The following KRT86 variants were observed in gnomAD, a reference collection of about 807,000 sequenced individuals.
KRT86 encodes keratin 86.
In KRT86, 30 loss-of-function variants were observed where a neutral mutation model predicts 41.2. The observed-to-expected ratio is 0.73, with a 90% confidence interval of 0.54 to 0.99. The LOEUF is 0.99. Among genes scored for constraint, KRT86 ranks in the 50% least tolerant of loss-of-function variants. KRT86 has a pLI of 0.00. For synonymous variants in KRT86, 238 were observed against 238.1 expected, an observed-to-expected ratio of 1.00 and a Z score of 0.00; for missense variants, 561 against 571.4, an observed-to-expected ratio of 0.98 and a Z score of 0.19.
chr12:52,305,591 A>C (rs1371363299), intron 7 of KRT86, 72 bp from the exon 8 acceptor site: 1 of 1,613,070 alleles, frequency 6.2e-7, no homozygotes, highest in African/African-American at 1.3e-5. Flanking sequence ...ACAACCTGCA[A>C]AATCATCTGT....
At chr12:52,301,788 G>A (rs904053929) in intron 2 of KRT86, 125 bp from the exon 3 acceptor site, 31 of 1,600,016 alleles carry the variant, frequency 1.9e-5, no homozygotes, top group Non-Finnish European at 2.5e-5. Flanking sequence ...GACCCACGTG[G>A]TCACAGTCTC....
In KRT86 at chr12:52,305,781, A is replaced by G. The variant is rs922351949; in HGVS notation, c.1019A>G (p.Lys340Arg). ...CTGACGGCTGAGGTGGAGAATGCCAAGTGCCAGGTATGGGGCATCTGTGCC... is the reference window on the plus strand; with the variant it reads ...CTGACGGCTGAGGTGGAGAATGCCAGGTGCCAGGTATGGGGCATCTGTGCC... ...QRLTAEVENA[K>R]CQNSKLEAAV... The change falls in exon 8 of 11, where the codon AAG becomes AGG. Residue 340 changes from lysine (K) to arginine (R), a missense_variant. Around this residue, in one of 3 missense-constraint regions of KRT86, gnomAD observed 397 missense variants for 375.9 expected, o/e 1.06. Coordinates refer to ENST00000423955, the MANE Select transcript of KRT86 (RefSeq NM_001320198.2). The G allele has an allele frequency of 1.2e-6, 2 of 1,614,026 alleles. No individual in the cohort carries two copies. The highest frequency in any genetic ancestry group is 1.7e-6 in the Non-Finnish European group (2 of 1,179,874).
chr12:52,291,518 T>C (rs1345606974), intron 2 of KRT86: 9 of 1,604,482 alleles, frequency 5.6e-6, no homozygotes, highest in Non-Finnish European at 7.7e-6. Context: ...CCTGGAGTCC[T>C]GATGGAAACT....
chr12:52,286,114 G>A, intron 2 of KRT86: 1 of 758,000 alleles, frequency 1.3e-6, no homozygotes, highest in South Asian at 1.6e-5. Flanking sequence ...ATCACACAGA[G>A]AAATGTGAGG....
intron 9 of KRT86, 96 bp downstream of exon 9, chr12:52,306,376 A>G: frequency 6.3e-7 from 1 of 1,582,510 alleles, no homozygotes; most frequent in Non-Finnish European, 8.6e-7. Flanking sequence ...TTGTTTCTTA[A>G]CCTCCCCACC....
chr12:52,281,749 T>A (rs1416535976), intron 2 of KRT86, among the ~76,000 whole-genome samples: 5 of 152,222 alleles, frequency 3.3e-5, no homozygotes, highest in African/African-American at 1.2e-4. Context: ...TTTAAATTTA[T>A]TTTTGTAGTG....
At chr12:52,280,219 A>T (rs1937740527) in intron 2 of KRT86, among the ~76,000 whole-genome samples, 1 of 152,176 alleles carries the variant, frequency 6.6e-6, no homozygotes, top group South Asian at 2.1e-4. Flanking sequence ...AATCAGACGG[A>T]GGCTCCAGCT....
chr12:52,286,996 A>G (rs991354798), intron 2 of KRT86: 158 of 1,595,758 alleles, frequency 9.9e-5, no homozygotes, highest in Non-Finnish European at 1.2e-4. Flanking sequence ...GTGAATAATA[A>G]TATTTTTTTC....
At chr12:52,299,628 TA>T (rs754303525) in intron 2 of KRT86, among the ~76,000 whole-genome samples, 9 of 152,386 alleles carry the variant, frequency 5.9e-5, no homozygotes, top group Non-Finnish European at 1.3e-4. Flanking sequence ...GTCTTTTTGA[TA>T]AAAGTCATTT....
chr12:52,288,578 C>T lies in KRT86; in HGVS notation c.-5+12632C>T, dbSNP rs1352710511. The T allele has an allele frequency of 5.2e-6, 6 of 1,155,762 alleles. No homozygotes were observed. In the Admixed American group the frequency reaches 8.4e-5, roughly 16 times the overall value. The allele number at this position is 1,155,762 out of a possible 1,614,324, so 71.6% of individuals were successfully genotyped here. A position where few individuals can be genotyped will look rare whatever the true frequency, so the allele number is the denominator to read the frequency against. On this transcript the variant is annotated intron_variant, in intron 2 of 10. Transcript: ENST00000423955. Reference sequence around the variant, plus strand: ...AGTCCCTGGTGTCCCATTCCCATGCCTTTCCTCCCCTTCTGCCCTTCCTGG... The same window carrying T: ...AGTCCCTGGTGTCCCATTCCCATGCTTTTCCTCCCCTTCTGCCCTTCCTGG...
intron 2 of KRT86, among the ~76,000 whole-genome samples, chr12:52,276,837 T>C (rs1937643055): frequency 6.6e-6 from 1 of 152,162 alleles, no homozygotes; most frequent in African/African-American, 2.4e-5. Flanking sequence ...GGCTCAAGTC[T>C]CACTCCATGG....
chr12:52,295,766 G>A (rs1321914300), intron 2 of KRT86, among the ~76,000 whole-genome samples: 1 of 152,194 alleles, frequency 6.6e-6, no homozygotes, highest in African/African-American at 2.4e-5. Context: ...TTTTTTGAAT[G>A]AATGAAAAGA....
intron 2 of KRT86, chr12:52,286,283 G>A (rs899175230): frequency 3.2e-6 from 5 of 1,554,062 alleles, no homozygotes; most frequent in African/African-American, 1.4e-5. Context: ...GCTGCCGCAA[G>A]ACCCCACACC....
rs6580873 is a variant in KRT86, at chr12:52,288,141, A to C, written c.-5+12195A>C. 0.85 allele frequency: 1,373,690 copies of C among 1,613,888 alleles called. 586,536 individuals carry two copies. Among genetic ancestry groups the C allele is most frequent in the East Asian group, 1 (44,791 of 44,872 alleles). The stretch of plus-strand genomic sequence containing the variant: ...GTCTGAGATGTGCGACTGGAGAATG[A>C]GGATCTCCTGCAGGAGGTGAGGGCA... On this transcript the variant is annotated intron_variant, in intron 2 of 10. Transcript: ENST00000423955.
chr12:52,305,245 C>G lies in KRT86; in HGVS notation c.741C>G (p.Ile247Met). 1 of 1,614,224 alleles carries G rather than the reference C, an allele frequency of 6.2e-7. No individual in the cohort carries two copies. The change falls in exon 7 of 11, where the codon ATC (isoleucine) becomes ATG (methionine). Residue 247 changes from isoleucine (I) to methionine (M), a missense_variant. Around this residue, in one of 3 missense-constraint regions of KRT86, gnomAD observed 397 missense variants for 375.9 expected, o/e 1.06. Transcript: ENST00000423955. ...DFLRRLYEEE[I>M]RVLQSHISDT... ...ACTGCCCTCACCTCCTGCAGGAGAT[C>G]CGCGTTCTCCAGTCCCACATCTCAG...
chr12:52,276,801 C>T (rs534110391), intron 2 of KRT86, among the ~76,000 whole-genome samples: 2 of 152,208 alleles, frequency 1.3e-5, no homozygotes, highest in East Asian at 1.9e-4. Flanking sequence ...AACCCACCCA[C>T]CTCCCAGCCC....
rs527319461 is a variant in KRT86, at chr12:52,308,426, C to T, written c.1302C>T (p.Gly434=). The change falls in exon 11 of 11, where the codon GGC becomes GGT. Residue 434 remains glycine (G), a synonymous_variant. Coordinates refer to ENST00000423955, the MANE Select transcript of KRT86 (RefSeq NM_001320198.2). ...VNVCVSSSRG[G]VVCGDLCAST... ...CAGGCGTCAGCAGCTCCCGCGGTGG[C>T]GTTGTCTGTGGCGATCTCTGCGCCT... 4.3e-6 allele frequency: 7 copies of T among 1,611,892 alleles called. No homozygotes were observed. The highest frequency in any genetic ancestry group is 5.9e-6 in the Non-Finnish European group (7 of 1,179,690).
chr12:52,286,436 CG>C, intron 2 of KRT86: 1 of 1,552,896 alleles, frequency 6.4e-7, no homozygotes, highest in Non-Finnish European at 8.7e-7. Context: ...AGTCACTGGC[CG>C]GGAGCCTGAC....
chr12:52,299,532 A>C (rs1389068781), intron 2 of KRT86, among the ~76,000 whole-genome samples: 1 of 152,198 alleles, frequency 6.6e-6, no homozygotes, highest in Non-Finnish European at 1.5e-5. Context: ...ACTGTTTTCC[A>C]TAGTGGCTGT....
Sources: gnomAD v4.1 joint callset for allele counts (sites outside exome capture counted in the v4.1 genomes callset) on GRCh38, gnomAD v4.1.1 for gene constraint, gnomAD v4.1.1 regional missense constraint, MANE v1.5 for transcripts, NCBI Gene and HGNC (gene_info 2026-07-23, HGNC 2026-07-21) for gene names.